LRP1B: variants seen among roughly 807,000 people sequenced by gnomAD.
LRP1B encodes the protein LDL receptor related protein 1B, also known as low-density lipoprotein receptor-related protein 1B.
A neutral mutation model predicts 556.6 loss-of-function variants in LRP1B; 217 were observed. That is an observed-to-expected ratio of 0.39 (90% CI 0.35 to 0.44). LRP1B has a LOEUF of 0.44. Among genes scored for constraint, LRP1B ranks in the 20% least tolerant of loss-of-function variants. The probability of loss-of-function intolerance (pLI) is 1.00; values close to 1 mark genes in which losing one functional copy is unlikely to be tolerated. For missense variants in LRP1B, 5,053 were observed against 5,620.8 expected (o/e 0.90, Z 3.23); for synonymous variants, 2,047 against 1,865.8 (o/e 1.10, Z -2.50).
At chr2:141,918,199 A>G (rs1296233337) in intron 1 of LRP1B, among the ~76,000 whole-genome samples, 18 of 152,132 alleles carry the variant, frequency 1.2e-4, no homozygotes. Flanking sequence ...ATGCTTTTGG[A>G]AACTTCAGTG....
chr2:141,412,786 C>A (rs1573916285), intron 3 of LRP1B, among the ~76,000 whole-genome samples: 1 of 151,970 alleles, frequency 6.6e-6, no homozygotes, highest in Non-Finnish European at 1.5e-5. Flanking sequence ...AATGATAAAT[C>A]CTGAATCCCC....
intron 6 of LRP1B, among the ~76,000 whole-genome samples, 190 bp downstream of exon 6, chr2:141,228,993 T>C (rs1399775065): frequency 3.3e-5 from 5 of 152,182 alleles, no homozygotes; most frequent in Non-Finnish European, 7.3e-5. Context: ...CTTATTTAAA[T>C]AGAGAAAGTT....
chr2:140,642,961 T>C (rs1203257012), intron 41 of LRP1B, among the ~76,000 whole-genome samples: 1 of 152,192 alleles, frequency 6.6e-6, no homozygotes, highest in Non-Finnish European at 1.5e-5. Context: ...AACATAAATA[T>C]GCATTATTTC....
At chr2:141,557,754 G>C (rs998363965) in intron 2 of LRP1B, among the ~76,000 whole-genome samples, 2 of 151,882 alleles carry the variant, frequency 1.3e-5, no homozygotes, top group Admixed American at 6.6e-5. Context: ...TCTAGACTAA[G>C]AGTGTATAAC....
intron 1 of LRP1B, among the ~76,000 whole-genome samples, chr2:142,081,108 A>C (rs1705696262): frequency 6.6e-6 from 1 of 152,152 alleles, no homozygotes; most frequent in Non-Finnish European, 1.5e-5. Flanking sequence ...AGATTCATGA[A>C]GTATGGAGTT....
At chr2:141,233,542 T>G (rs1266611943) in intron 5 of LRP1B, among the ~76,000 whole-genome samples, 1 of 152,210 alleles carries the variant, frequency 6.6e-6, no homozygotes, top group Non-Finnish European at 1.5e-5. Flanking sequence ...AAGGCTTATT[T>G]GACCAGGTTC....
At chr2:140,900,847 A>G (rs1476885859) in intron 23 of LRP1B, among the ~76,000 whole-genome samples, 1 of 152,130 alleles carries the variant, frequency 6.6e-6, no homozygotes, top group Non-Finnish European at 1.5e-5. Context: ...TATTTGGAAG[A>G]AGATTTAATT....
intron 1 of LRP1B, among the ~76,000 whole-genome samples, chr2:142,063,309 G>A (rs917739445): frequency 6.6e-6 from 1 of 151,460 alleles, no homozygotes; most frequent in Non-Finnish European, 1.5e-5. Context: ...GATGGAAGTG[G>A]TATGAAAGCC....
intron 10 of LRP1B, among the ~76,000 whole-genome samples, chr2:141,052,321 ATACT>A (rs1286388831): frequency 6.6e-6 from 1 of 152,004 alleles, no homozygotes; most frequent in African/African-American, 2.4e-5. Flanking sequence ...TCAACATTAG[ATACT>A]TACATACTTT....
At chr2:140,246,065 T>A (rs1442037377) in intron 87 of LRP1B, among the ~76,000 whole-genome samples, 3 of 151,400 alleles carry the variant, frequency 2.0e-5, no homozygotes, top group Non-Finnish European at 4.4e-5. Flanking sequence ...GACAATGATA[T>A]CGAAACTGTC....
intron 3 of LRP1B, among the ~76,000 whole-genome samples, chr2:141,361,914 T>A (rs1688839386): frequency 6.6e-6 from 1 of 152,204 alleles, no homozygotes; most frequent in Non-Finnish European, 1.5e-5. Context: ...TAGTACACTA[T>A]CCTTTCACTC....
intron 2 of LRP1B, among the ~76,000 whole-genome samples, chr2:141,638,521 T>G: frequency 7.8e-6 from 1 of 127,828 alleles, no homozygotes; most frequent in Non-Finnish European, 1.8e-5. Context: ...CCATTGTCAG[T>G]CGAGGCCACA....
At chr2:140,828,856 A>G (rs1340072740) in intron 31 of LRP1B, among the ~76,000 whole-genome samples, 1 of 149,586 alleles carries the variant, frequency 6.7e-6, no homozygotes, top group East Asian at 2.0e-4. Context: ...AGGCTTTTTT[A>G]TTTAGGCTAT....
At chr2:141,066,294 T>C (rs1002419104) in intron 7 of LRP1B, among the ~76,000 whole-genome samples, 8 of 152,002 alleles carry the variant, frequency 5.3e-5, no homozygotes, top group African/African-American at 1.9e-4. Flanking sequence ...TCTGACATCT[T>C]TGTGATTATA....
intron 66 of LRP1B, among the ~76,000 whole-genome samples, chr2:140,420,210 A>T (rs1246461988): frequency 6.6e-6 from 1 of 152,020 alleles, no homozygotes; most frequent in Non-Finnish European, 1.5e-5. Context: ...TAATATCACA[A>T]AAACAATCAG....
chr2:140,402,781 A>G (rs961787924), intron 66 of LRP1B, among the ~76,000 whole-genome samples: 1 of 152,162 alleles, frequency 6.6e-6, no homozygotes, highest in African/African-American at 2.4e-5. Context: ...CTTTACCTAC[A>G]ACTAGTTTCT....
intron 31 of LRP1B, among the ~76,000 whole-genome samples, chr2:140,814,451 G>A (rs932756454): frequency 1.2e-4 from 19 of 152,104 alleles, no homozygotes; most frequent in African/African-American, 4.6e-4. Flanking sequence ...CTAGTTAGTG[G>A]ACATTCCAGA....
chr2:142,060,866 C>T (rs531552047), intron 1 of LRP1B, among the ~76,000 whole-genome samples: 21 of 152,042 alleles, frequency 1.4e-4, no homozygotes, highest in African/African-American at 5.1e-4. Context: ...AAGTTGGATG[C>T]TCTTTGAGAG....
intron 1 of LRP1B, among the ~76,000 whole-genome samples, chr2:141,838,708 TTAG>T (rs1363340696): frequency 6.6e-6 from 1 of 152,186 alleles, no homozygotes; most frequent in Non-Finnish European, 1.5e-5. Flanking sequence ...TTATTTGCTC[TTAG>T]TAGAGAAAGT....
Sources: allele counts gnomAD v4.1 joint callset (sites outside exome capture counted in the v4.1 genomes callset), GRCh38; gene constraint gnomAD v4.1.1; transcripts MANE v1.5; gene names NCBI Gene and HGNC (gene_info 2026-07-23, HGNC 2026-07-21).